The following COL5A2 variants were observed in gnomAD, a reference collection of about 807,000 sequenced individuals.
COL5A2 encodes collagen type V alpha 2 chain, also known as collagen alpha-2(V) chain.
Under a neutral mutation model 208.2 loss-of-function variants are expected in COL5A2, and 23 were observed. The ratio of observed to expected loss-of-function variants is 0.11; its 90% CI spans 0.08 to 0.16. COL5A2 has a LOEUF of 0.16. Among genes scored for constraint, COL5A2 ranks in the 10% least tolerant of loss-of-function variants. The pLI is 1.00. For missense variants in COL5A2, 1,590 were observed against 1,956.4 expected, an observed-to-expected ratio of 0.81 and a Z score of 3.53; for synonymous variants, 625 against 628.5, an observed-to-expected ratio of 0.99 and a Z score of 0.08.
the COL5A2 span, among the ~76,000 whole-genome samples, chr2:189,247,590 T>A: frequency 1.3e-5 from 2 of 151,900 alleles, no homozygotes; most frequent in South Asian, 2.1e-4. Context: ...TTTCTTTTTT[T>A]TTTTTTTTGA....
At chr2:189,377,615 C>T in the COL5A2 span, among the ~76,000 whole-genome samples, 3 of 152,184 alleles carry the variant, frequency 2.0e-5, no homozygotes, top group Non-Finnish European at 1.5e-5. Flanking sequence ...CTTCTTAAGT[C>T]CACACTAATC....
the COL5A2 span, among the ~76,000 whole-genome samples, chr2:189,246,723 C>G: frequency 1.6e-4 from 25 of 152,292 alleles, no homozygotes; most frequent in African/African-American, 6.0e-4. Context: ...AATGGGCATA[C>G]AGAGAGCAGG....
chr2:189,235,771 A>G, the COL5A2 span, among the ~76,000 whole-genome samples: 1 of 151,784 alleles, frequency 6.6e-6, no homozygotes, highest in African/African-American at 2.4e-5. Flanking sequence ...TGCAGAAAAG[A>G]GTTAACATAG....
At chr2:189,042,556 T>C (rs1685583222) in intron 49 of COL5A2, among the ~76,000 whole-genome samples, 164 bp downstream of exon 49, 1 of 152,186 alleles carries the variant, frequency 6.6e-6, no homozygotes, top group South Asian at 2.1e-4. Flanking sequence ...TATTTCTACT[T>C]AAAATTAATT....
At chr2:189,437,881 A>G in the COL5A2 span, among the ~76,000 whole-genome samples, 1 of 152,214 alleles carries the variant, frequency 6.6e-6, no homozygotes, top group Non-Finnish European at 1.5e-5. Flanking sequence ...AATACTGTAC[A>G]TGGTGTTTAT....
At chr2:189,280,028 T>C in the COL5A2 span, among the ~76,000 whole-genome samples, 1 of 151,998 alleles carries the variant, frequency 6.6e-6, no homozygotes, top group Non-Finnish European at 1.5e-5. Flanking sequence ...CATTCAAGCA[T>C]GTAAAGTTAC....
intron 1 of COL5A2, among the ~76,000 whole-genome samples, chr2:189,148,921 C>G (rs1688092360): frequency 6.6e-6 from 1 of 152,158 alleles, no homozygotes; most frequent in African/African-American, 2.4e-5. Context: ...AGGTGGATCA[C>G]TTGAGGTCAG....
Position 189,206,290 on chromosome 2 carries a change from A to C in COL5A2, c.-42+18858T>G, listed in dbSNP as rs150738704. Among the ~76,000 whole-genome samples the C allele has an allele frequency of 1.5e-3, 233 of 152,254 alleles. 4 individuals are homozygous for C. In the East Asian group the frequency reaches 0.039, roughly 26 times the overall value. ...TGCTGAAAGAAGCTTAAAGCGGGTA[A>C]ATTCAACAAAGCAGTAGATGTACAG... On this transcript the variant is annotated intron_variant, in intron 1 of 10. Coordinates refer to the COL5A2 transcript ENST00000649966.
intron 11 of COL5A2, 112 bp from the exon 12 acceptor site, chr2:189,084,149 A>T (rs772986181): frequency 3.8e-6 from 3 of 791,602 alleles, no homozygotes; most frequent in Non-Finnish European, 6.5e-6. Flanking sequence ...TAGAAAGCTA[A>T]TGTACAATTC....
upstream of COL5A2, among the ~76,000 whole-genome samples, chr2:189,180,227 TA>T (rs1329193840): frequency 6.6e-6 from 1 of 152,190 alleles, no homozygotes; most frequent in African/African-American, 2.4e-5. Context: ...TTTGACTGAA[TA>T]GGGAGTATTC....
the COL5A2 span, among the ~76,000 whole-genome samples, chr2:189,273,922 T>A: frequency 6.6e-6 from 1 of 152,050 alleles, no homozygotes; most frequent in Non-Finnish European, 1.5e-5. Context: ...GTTTGGGAGA[T>A]CTATTGCATA....
chr2:189,395,898 CAAAAAAAAAAAAAAA>C, the COL5A2 span, among the ~76,000 whole-genome samples: 1 of 53,186 alleles, frequency 1.9e-5, no homozygotes, highest in Admixed American at 3.5e-4. Context: ...GGACACATCT[CAAAAAAAAAAAAAAA>C]AAAAAAAAAA....
the COL5A2 span, among the ~76,000 whole-genome samples, chr2:189,252,222 G>C: frequency 6.6e-6 from 1 of 152,122 alleles, no homozygotes; most frequent in African/African-American, 2.4e-5. Flanking sequence ...CAAGGATCTA[G>C]AACTAGAAAT....
the COL5A2 span, among the ~76,000 whole-genome samples, chr2:189,342,817 T>G: frequency 1.3e-5 from 2 of 152,032 alleles, no homozygotes; most frequent in East Asian, 3.8e-4. Context: ...CAATGCAGAA[T>G]AGCAAACACA....
At chr2:189,422,613 T>C in the COL5A2 span, among the ~76,000 whole-genome samples, 3 of 152,204 alleles carry the variant, frequency 2.0e-5, no homozygotes, top group Non-Finnish European at 4.4e-5. Context: ...CTCTCCAGTA[T>C]AAATCATGTG....
the COL5A2 span, among the ~76,000 whole-genome samples, chr2:189,434,919 T>C: frequency 6.6e-6 from 1 of 152,158 alleles, no homozygotes; most frequent in South Asian, 2.1e-4. Context: ...CTACCTGACT[T>C]CAAACTATAC....
the COL5A2 span, among the ~76,000 whole-genome samples, chr2:189,310,619 G>A: frequency 6.6e-6 from 1 of 152,200 alleles, no homozygotes; most frequent in South Asian, 2.1e-4. Flanking sequence ...AGAGATAACT[G>A]CACTCCTGTG....
the COL5A2 span, among the ~76,000 whole-genome samples, chr2:189,422,895 C>T: frequency 6.6e-6 from 1 of 151,864 alleles, no homozygotes; most frequent in Non-Finnish European, 1.5e-5. Context: ...TGATGGCACA[C>T]GCCTATAATC....
chr2:189,304,204 G>C, the COL5A2 span, among the ~76,000 whole-genome samples: 1 of 151,954 alleles, frequency 6.6e-6, no homozygotes, highest in South Asian at 2.1e-4. Context: ...CAGTTGTCTT[G>C]GATTTCATAA....
Sources: gnomAD v4.1 joint callset for allele counts (sites outside exome capture counted in the v4.1 genomes callset) on GRCh38, gnomAD v4.1.1 for gene constraint, MANE v1.5 for transcripts, NCBI Gene and HGNC (gene_info 2026-07-23, HGNC 2026-07-21) for gene names.